The following KALRN variants were observed in gnomAD, a reference collection of about 807,000 sequenced individuals.
KALRN encodes kalirin RhoGEF kinase, also known as kalirin.
Under a neutral mutation model 353.7 loss-of-function variants are expected in KALRN, and 70 were observed. The ratio of observed to expected loss-of-function variants is 0.20; its 90% CI spans 0.16 to 0.24. The LOEUF (loss-of-function observed/expected upper bound fraction) is 0.24, where lower values mean the gene tolerates loss of function less well. Among genes scored for constraint, KALRN ranks in the 10% least tolerant of loss-of-function variants. The pLI is 1.00. For synonymous variants in KALRN, 1,391 were observed against 1,434.8 expected (o/e 0.97, Z 0.69); for missense variants, 2,791 against 3,756.7 (o/e 0.74, Z 6.72).
intron 10 of KALRN, among the ~76,000 whole-genome samples, chr3:124,366,287 G>A (rs1431763976): frequency 6.8e-6 from 1 of 147,638 alleles, no homozygotes; most frequent in Non-Finnish European, 1.5e-5. Flanking sequence ...CAATAGTGGA[G>A]GGAAGGTCAG....
rs376825179 is a variant in KALRN at position 124,708,890 on chromosome 3, A to G, written c.8076-4045A>G. On this transcript the variant is annotated intron_variant, in intron 57 of 59. Transcript: ENST00000682506. ...GAAAGAAACAAGAGAAAAAAACAACATATTACATTTAGGTAGAACAGTGAC... is the reference window on the plus strand; with the variant it reads ...GAAAGAAACAAGAGAAAAAAACAACGTATTACATTTAGGTAGAACAGTGAC... Among the ~76,000 whole-genome samples the G allele has an allele frequency of 3.3e-5, 5 of 152,308 alleles. No homozygotes were observed. The East Asian group carries it at 9.6e-4, about 29-fold the overall frequency.
intron 12 of KALRN, among the ~76,000 whole-genome samples, chr3:124,397,014 A>G (rs2090249929): frequency 6.6e-6 from 1 of 152,200 alleles, no homozygotes; most frequent in Non-Finnish European, 1.5e-5. Flanking sequence ...TCTTTCTGAC[A>G]CTTGTTACTA....
intron 33 of KALRN, among the ~76,000 whole-genome samples, chr3:124,537,537 G>A (rs1228875525): frequency 2.6e-5 from 4 of 152,202 alleles, no homozygotes; most frequent in South Asian, 2.1e-4. Context: ...GAGGCGATTC[G>A]TGAATGAGGT....
At chr3:124,409,997 T>C (rs2091992538) in intron 13 of KALRN, among the ~76,000 whole-genome samples, 1 of 152,026 alleles carries the variant, frequency 6.6e-6, no homozygotes, top group Non-Finnish European at 1.5e-5. Context: ...TTCTCCAGGC[T>C]TCATAACAGA....
chr3:124,470,226 A>G (rs910526834), intron 25 of KALRN, among the ~76,000 whole-genome samples: 2 of 152,142 alleles, frequency 1.3e-5, no homozygotes, highest in African/African-American at 4.8e-5. Context: ...TTCACAATTT[A>G]TTACATGTAA....
chr3:124,444,761 C>T (rs1354682527), intron 19 of KALRN, among the ~76,000 whole-genome samples: 4 of 141,702 alleles, frequency 2.8e-5, no homozygotes, highest in East Asian at 2.1e-4. Flanking sequence ...TGAGCTATGA[C>T]TGCACTCCAT....
At chr3:124,335,751 C>T (rs1423635338) in intron 9 of KALRN, among the ~76,000 whole-genome samples, 3 of 152,164 alleles carry the variant, frequency 2.0e-5, no homozygotes, top group Non-Finnish European at 2.9e-5. Context: ...CTGTGGCTAC[C>T]GTGTAACTCC....
intron 23 of KALRN, among the ~76,000 whole-genome samples, chr3:124,461,552 T>C (rs1032146618): frequency 6.6e-6 from 1 of 152,146 alleles, no homozygotes; most frequent in Non-Finnish European, 1.5e-5. Context: ...TGAGACAGAA[T>C]ATGAACAGTC....
At chr3:124,114,878 C>T (rs778033858) in intron 1 of KALRN, among the ~76,000 whole-genome samples, 29 of 152,144 alleles carry the variant, frequency 1.9e-4, no homozygotes, top group African/African-American at 2.7e-4. Flanking sequence ...AGAAACTTCC[C>T]GTCAGTGAGG....
chr3:124,371,455 C>T (rs923148978), intron 10 of KALRN, among the ~76,000 whole-genome samples: 4 of 152,092 alleles, frequency 2.6e-5, no homozygotes, highest in Non-Finnish European at 5.9e-5. Flanking sequence ...TATCCAGTAA[C>T]AGAATTGCTG....
At chr3:124,390,200 G>A (rs114384662) in intron 11 of KALRN, among the ~76,000 whole-genome samples, 4 of 152,322 alleles carry the variant, frequency 2.6e-5, no homozygotes, top group Non-Finnish European at 5.9e-5. Flanking sequence ...TGTCATCACA[G>A]AATTCTCTTT....
chr3:124,490,760 C>T lies in KALRN; in HGVS notation c.4463C>T (p.Pro1488Leu), dbSNP rs758552417. The T allele has an allele frequency of 6.2e-6, 10 of 1,613,824 alleles. No individual in the cohort carries two copies. Among genetic ancestry groups the T allele is most frequent in the Admixed American group, 1.7e-5 (1 of 60,006 alleles). The change falls in exon 30 of 60, where the codon CCG becomes CTG. Residue 1488 changes from proline to leucine, a missense_variant. Physicochemically the swap from Pro to Leu is moderately conservative, Grantham distance 98. Around this residue, in one of 11 missense-constraint regions of KALRN, gnomAD observed 239 missense variants for 351.3 expected, o/e 0.68. Coordinates refer to ENST00000682506, the MANE Select transcript of KALRN (RefSeq NM_001388419.1). ...ILQDAFQVWD[P>L]KSLIRKGRER... is the part of the protein sequence containing the mutation. Reference sequence around the variant, plus strand: ...CAGGATGCCTTTCAAGTGTGGGACCCGAAGTCGCTGATCCGGAAGGGGCGG... The same window carrying T: ...CAGGATGCCTTTCAAGTGTGGGACCTGAAGTCGCTGATCCGGAAGGGGCGG...
rs750458209 is a variant in KALRN, at chr3:124,298,771, T to C, written c.970-20T>C. 23 of 1,613,964 alleles carry C rather than the reference T, an allele frequency of 1.4e-5. No individual in the cohort carries two copies. Among genetic ancestry groups the C allele is most frequent in the South Asian group, 1.2e-4 (11 of 91,092 alleles). On this transcript the variant is annotated intron_variant, in intron 5 of 59. Coordinates refer to ENST00000682506, the MANE Select transcript of KALRN (RefSeq NM_001388419.1). The stretch of plus-strand genomic sequence containing the variant: ...ACCCATGACCATTCTGATTATGCTG[T>C]GCCTTCTTGTCCTCTCTAGATGTTT...
At chr3:124,491,149 G>A (rs1414416989) in intron 30 of KALRN, among the ~76,000 whole-genome samples, 174 bp from the exon 31 acceptor site, 1 of 152,110 alleles carries the variant, frequency 6.6e-6, no homozygotes, top group Non-Finnish European at 1.5e-5. Flanking sequence ...GCACGTGCCT[G>A]TAGGTCCTTT....
At chr3:124,692,295 C>A in intron 51 of KALRN, among the ~76,000 whole-genome samples, 1 of 152,224 alleles carries the variant, frequency 6.6e-6, no homozygotes, top group East Asian at 1.9e-4. Flanking sequence ...GGCACTCAGC[C>A]CAGAACTTGG....
intron 11 of KALRN, among the ~76,000 whole-genome samples, chr3:124,389,363 T>C (rs373124929): frequency 6.6e-6 from 1 of 152,206 alleles, no homozygotes; most frequent in Non-Finnish European, 1.5e-5. Context: ...TTTTGCCAAC[T>C]TTCCACATCA....
intron 7 of KALRN, among the ~76,000 whole-genome samples, chr3:124,329,304 G>A (rs537482942): frequency 1.2e-4 from 18 of 152,274 alleles, no homozygotes; most frequent in East Asian, 1.9e-4. Context: ...CACCCTTCAG[G>A]GGACTGACCC....
chr3:124,199,106 GT>G (rs1430112876), intron 1 of KALRN, among the ~76,000 whole-genome samples: 3 of 152,254 alleles, frequency 2.0e-5, no homozygotes, highest in Admixed American at 6.5e-5. Flanking sequence ...CAGGCTGCCT[GT>G]TTCACTGCTG....
chr3:124,118,518 T>C (rs1209313765), intron 1 of KALRN, among the ~76,000 whole-genome samples: 3 of 151,920 alleles, frequency 2.0e-5, no homozygotes, highest in Admixed American at 6.6e-5. Context: ...TTCCGTGGAG[T>C]TGCAGGAGAC....
Sources: gnomAD v4.1 joint callset for allele counts (sites outside exome capture counted in the v4.1 genomes callset) on GRCh38, gnomAD v4.1.1 for gene constraint, gnomAD v4.1.1 regional missense constraint, MANE v1.5 for transcripts, NCBI Gene and HGNC (gene_info 2026-07-23, HGNC 2026-07-21) for gene names.